GSK3B: variants seen among roughly 807,000 people sequenced by gnomAD.
GSK3B encodes glycogen synthase kinase-3 beta.
Under a neutral mutation model 56.4 loss-of-function variants are expected in GSK3B, and 15 were observed. The ratio of observed to expected loss-of-function variants is 0.27; its 90% CI spans 0.18 to 0.41. The LOEUF (loss-of-function observed/expected upper bound fraction) is 0.41. GSK3B is among the 10% of genes least tolerant of loss of function. The pLI is 1.00. For missense variants in GSK3B, 300 were observed against 513.4 expected (o/e 0.58, Z 4.02); for synonymous variants, 181 against 188.9 (o/e 0.96, Z 0.34).
At chr3:119,956,431 A>G (rs1216831220) in intron 2 of GSK3B, among the ~76,000 whole-genome samples, 1 of 152,218 alleles carries the variant, frequency 6.6e-6, no homozygotes, top group Non-Finnish European at 1.5e-5. Context: ...TTCAGACTTC[A>G]GACTTTTTTT....
At chr3:120,017,271 G>C (rs1271602916) in intron 1 of GSK3B, among the ~76,000 whole-genome samples, 1 of 152,104 alleles carries the variant, frequency 6.6e-6, no homozygotes, top group Non-Finnish European at 1.5e-5. Flanking sequence ...CCAGTCAGTG[G>C]TCACATTCTA....
chr3:119,993,521 A>G (rs1177277968), intron 2 of GSK3B, among the ~76,000 whole-genome samples: 1 of 152,202 alleles, frequency 6.6e-6, no homozygotes, highest in Non-Finnish European at 1.5e-5. Context: ...CAAGCTAAAG[A>G]TAAAAAACAT....
At chr3:120,024,591 T>C (rs2057908181) in intron 1 of GSK3B, among the ~76,000 whole-genome samples, 1 of 152,202 alleles carries the variant, frequency 6.6e-6, no homozygotes, top group Non-Finnish European at 1.5e-5. Context: ...TTCATCTAAG[T>C]ATTTATCAAA....
intron 9 of GSK3B, among the ~76,000 whole-genome samples, chr3:119,859,941 A>G (rs1719889): frequency 2.0e-5 from 3 of 152,024 alleles, no homozygotes; most frequent in African/African-American, 7.3e-5. Flanking sequence ...CCATTCTCAC[A>G]TAATCTAGCC....
At chr3:120,014,800 C>T (rs2057809914) in intron 1 of GSK3B, among the ~76,000 whole-genome samples, 1 of 152,242 alleles carries the variant, frequency 6.6e-6, no homozygotes, top group African/African-American at 2.4e-5. Flanking sequence ...GGACAGATGT[C>T]ACATAGGCTG....
intron 10 of GSK3B, among the ~76,000 whole-genome samples, chr3:119,829,792 T>C (rs2107996537): frequency 6.6e-6 from 1 of 152,316 alleles, no homozygotes; most frequent in African/African-American, 2.4e-5. Flanking sequence ...TTCTGAACAA[T>C]AAAATTTGAT....
Position 119,822,819 on chromosome 3 carries a change from A to AC in GSK3B, c.*3968dup, listed in dbSNP as rs1193259459. The AC allele has an allele frequency of 1.3e-5, 3 of 228,080 alleles. No homozygotes were observed. Among genetic ancestry groups the AC allele is most frequent in the African/African-American group, 2.2e-5 (1 of 45,024 alleles). 14.1% of individuals were successfully genotyped at this position (228,080 alleles called of 1,614,324 possible). On this transcript the variant is annotated 3_prime_UTR_variant, in exon 11 of 11. Transcript: ENST00000264235. ...ACAATTTCAGTTGAAAAGAAAGAAA[A>AC]CCCCCCAAATTCCTGGGGATCTGGC...
At chr3:120,053,874 T>C (rs971644766) in intron 1 of GSK3B, among the ~76,000 whole-genome samples, 2 of 152,228 alleles carry the variant, frequency 1.3e-5, no homozygotes, top group Non-Finnish European at 2.9e-5. Flanking sequence ...CCACCATGAT[T>C]GCGAGGCCTT....
chr3:119,855,413 C>T (rs2056004734), intron 9 of GSK3B, among the ~76,000 whole-genome samples: 1 of 152,204 alleles, frequency 6.6e-6, no homozygotes, highest in Non-Finnish European at 1.5e-5. Flanking sequence ...TTGTGGAAGA[C>T]AGTGTGGCGA....
intron 1 of GSK3B, among the ~76,000 whole-genome samples, chr3:120,007,226 T>C (rs2057737451): frequency 6.6e-6 from 1 of 152,170 alleles, no homozygotes; most frequent in African/African-American, 2.4e-5. Flanking sequence ...GTCGAATCTC[T>C]GAATAGATCA....
Position 120,093,470 on chromosome 3 carries a change from C to A in GSK3B, c.-36G>T, listed in dbSNP as rs769255068. ...TTCGCGAATCACCTTTTCCTTCCTTCCTCCTTTTCTTCCTTTTGTCTTTAT... is the reference window on the plus strand; with the variant it reads ...TTCGCGAATCACCTTTTCCTTCCTTACTCCTTTTCTTCCTTTTGTCTTTAT... On this transcript the variant is annotated 5_prime_UTR_variant, in exon 1 of 11. Transcript: ENST00000264235. 3 of 1,360,730 alleles carry A rather than the reference C, an allele frequency of 2.2e-6. No homozygotes were observed. The South Asian group carries it at 3.5e-5, about 16-fold the overall frequency. 84.3% of individuals were successfully genotyped at this position (1,360,730 alleles called of 1,614,324 possible). A position where few individuals can be genotyped will look rare whatever the true frequency, so the allele number is the denominator to read the frequency against.
intron 6 of GSK3B, among the ~76,000 whole-genome samples, chr3:119,910,280 T>C (rs1156748232): frequency 6.6e-6 from 1 of 152,164 alleles, no homozygotes; most frequent in African/African-American, 2.4e-5. Flanking sequence ...AAAAATTCTA[T>C]ACAGGCATAC....
At chr3:119,897,271 C>T (rs761071987) in intron 7 of GSK3B, among the ~76,000 whole-genome samples, 14 of 152,114 alleles carry the variant, frequency 9.2e-5, no homozygotes, top group Non-Finnish European at 2.1e-4. Flanking sequence ...GGGTAAGTTA[C>T]TGTAGACCAA....
chr3:120,006,262 A>G (rs1297871255), intron 1 of GSK3B, among the ~76,000 whole-genome samples: 3 of 152,234 alleles, frequency 2.0e-5, no homozygotes, highest in Non-Finnish European at 4.4e-5. Flanking sequence ...AGATTCATAA[A>G]GCAAGTCCTT....
chr3:119,920,557 G>A (rs997340737), intron 4 of GSK3B, among the ~76,000 whole-genome samples: 22 of 152,114 alleles, frequency 1.4e-4, no homozygotes, highest in Non-Finnish European at 8.8e-5. Flanking sequence ...TGTTTCTTTA[G>A]AACAGAGAAA....
At chr3:120,041,447 C>CA in intron 1 of GSK3B, 1 of 263,504 alleles carries the variant, frequency 3.8e-6, no homozygotes, top group Non-Finnish European at 8.1e-6. Context: ...TGCATACCTT[C>CA]AAAAAAGACT....
intron 1 of GSK3B, among the ~76,000 whole-genome samples, chr3:120,034,397 T>G (rs2058004843): frequency 6.6e-6 from 1 of 152,198 alleles, no homozygotes; most frequent in African/African-American, 2.4e-5. Context: ...GACATAATTT[T>G]TGTAGATGGT....
intron 1 of GSK3B, among the ~76,000 whole-genome samples, chr3:120,011,971 T>C (rs1376577656): frequency 6.6e-6 from 1 of 152,162 alleles, no homozygotes; most frequent in Non-Finnish European, 1.5e-5. Flanking sequence ...TATTCTTTTC[T>C]CCATTTCCCC....
intron 8 of GSK3B, among the ~76,000 whole-genome samples, chr3:119,875,142 C>A (rs2056295691): frequency 6.6e-6 from 1 of 152,084 alleles, no homozygotes; most frequent in Non-Finnish European, 1.5e-5. Flanking sequence ...GTAAAAGTTA[C>A]AACCTATAAT....
Sources: gnomAD v4.1 joint callset for allele counts (sites outside exome capture counted in the v4.1 genomes callset) on GRCh38, gnomAD v4.1.1 for gene constraint, MANE v1.5 for transcripts, NCBI Gene and HGNC (gene_info 2026-07-23, HGNC 2026-07-21) for gene names.